The following NCOR2 variants were observed in gnomAD, a reference collection of about 807,000 sequenced individuals.
NCOR2 encodes CTG repeat protein 26.
NCOR2 carries 81 observed loss-of-function variants against 262.9 expected under a neutral mutation model. That is an observed-to-expected ratio of 0.31 (90% CI 0.26 to 0.37). The LOEUF (loss-of-function observed/expected upper bound fraction) is 0.37. Ranked by LOEUF, NCOR2 falls within the 10% of genes least tolerant of loss-of-function variation. NCOR2 has a pLI of 1.00. For synonymous variants in NCOR2, 1,659 were observed against 1,559.3 expected (o/e 1.06, Z -1.51); for missense variants, 3,385 against 3,621.4 (o/e 0.93, Z 1.68).
chr12:124,387,598 G>A (rs1481953184), intron 16 of NCOR2, among the ~76,000 whole-genome samples: 4 of 152,136 alleles, frequency 2.6e-5, no homozygotes, highest in Admixed American at 6.5e-5. Flanking sequence ...TTCGCCTGCC[G>A]TGGCCCTGGG....
At chr12:124,398,223 G>A (rs2041801000) in intron 15 of NCOR2, 42 bp from the exon 18 acceptor site, 19 of 1,607,260 alleles carry the variant, frequency 1.2e-5, no homozygotes, top group Non-Finnish European at 1.6e-5. Flanking sequence ...GCCGGGAGAG[G>A]AGGCACTTTG....
At position 124,550,512 on chromosome 12, in the gene NCOR2, C is replaced by A. The variant is rs114668238; in HGVS notation, c.-164-14901G>T. 7.6e-3 allele frequency among the ~76,000 whole-genome samples: 1,154 copies of A among 152,024 alleles called. 10 individuals carry two copies. Among genetic ancestry groups the A allele is most frequent in the African/African-American group, 0.027 (1,103 of 41,432 alleles). Reference sequence around the variant, plus strand: ...CCACTGGCAGGGGGAGGATGGTGAACGGGGGGGAGGACAGCTCTGTTCCTT... The same window carrying A: ...CCACTGGCAGGGGGAGGATGGTGAAAGGGGGGGAGGACAGCTCTGTTCCTT... On this transcript the variant is annotated intron_variant, in intron 1 of 32. Coordinates refer to the NCOR2 transcript ENST00000458234.
chr12:124,358,116 TGTGA>T (rs2038145785), intron 22 of NCOR2, among the ~76,000 whole-genome samples: 1 of 134,922 alleles, frequency 7.4e-6, no homozygotes, highest in African/African-American at 2.9e-5. Flanking sequence ...CGTGCGTGCG[TGTGA>T]GTGCATGGAT....
chr12:124,370,262 A>G (rs2039390911), intron 20 of NCOR2, among the ~76,000 whole-genome samples: 2 of 152,244 alleles, frequency 1.3e-5, no homozygotes, highest in African/African-American at 4.8e-5. Context: ...TCACAGGGTC[A>G]GGGTCAGGCC....
At chr12:124,419,875 T>C in intron 13 of NCOR2, 82 bp downstream of exon 15, 2 of 1,252,254 alleles carry the variant, frequency 1.6e-6, no homozygotes, top group Non-Finnish European at 2.3e-6. Context: ...CCGCCAGCCA[T>C]GCGGGGTGCT....
chr12:124,353,360 T>C (rs1249212924), intron 27 of NCOR2, among the ~76,000 whole-genome samples: 1 of 152,238 alleles, frequency 6.6e-6, no homozygotes, highest in African/African-American at 2.4e-5. Flanking sequence ...CACAGCTGCC[T>C]TTGAAAGCTC....
Position 124,489,599 on chromosome 12 carries a change from C to A in NCOR2, c.106-3031G>T, listed in dbSNP as rs116670941. ...TGACCCAGCTGCTCAGAAAGGGAGGCAGGAAAAAGCCATTCAGGTGATGCC... is the reference window on the plus strand; with the variant it reads ...TGACCCAGCTGCTCAGAAAGGGAGGAAGGAAAAAGCCATTCAGGTGATGCC... On this transcript the variant is annotated intron_variant, in intron 1 of 46. Transcript: ENST00000405201. 4.0e-3 allele frequency among the ~76,000 whole-genome samples: 616 copies of A among 152,240 alleles called. 6 individuals are homozygous for A. The highest frequency in any genetic ancestry group is 0.014 in the African/African-American group (601 of 41,544).
exon 5 of NCOR2, chr12:124,466,230 C>T (rs546360042): frequency 2.9e-5 from 47 of 1,610,040 alleles, no homozygotes; most frequent in South Asian, 1.1e-4. Flanking sequence ...CGATGGGCGG[C>T]GGTGACACGG....
At chr12:124,492,368 C>T (rs563813140) in intron 1 of NCOR2, among the ~76,000 whole-genome samples, 2 of 152,280 alleles carry the variant, frequency 1.3e-5, no homozygotes, top group South Asian at 4.1e-4. Flanking sequence ...AAGCTGAACA[C>T]GGAGAGGGTT....
At chr12:124,400,452 GC>G (rs923308469) in intron 15 of NCOR2, 48 bp downstream of exon 17, 3 of 1,589,394 alleles carry the variant, frequency 1.9e-6, no homozygotes, top group Non-Finnish European at 2.6e-6. Flanking sequence ...AGCGCAACCC[GC>G]CGTGTCTCCA....
chr12:124,401,517 A>G (rs978598474), intron 14 of NCOR2, among the ~76,000 whole-genome samples: 5 of 152,250 alleles, frequency 3.3e-5, no homozygotes, highest in East Asian at 1.9e-4. Flanking sequence ...GAGGGGCTCT[A>G]TAAGAGGCAA....
At chr12:124,352,115 A>G (rs2037532824) in intron 27 of NCOR2, among the ~76,000 whole-genome samples, 1 of 152,196 alleles carries the variant, frequency 6.6e-6, no homozygotes, top group African/African-American at 2.4e-5. Flanking sequence ...GTACACTAAC[A>G]GTGTGGCACA....
intron 13 of NCOR2, among the ~76,000 whole-genome samples, chr12:124,417,178 C>CAGAGCAGGCCGGACACTCACTCCACGG (rs2042941303): frequency 1.3e-3 from 39 of 29,880 alleles, no homozygotes; most frequent in African/African-American, 3.4e-3. Flanking sequence ...TCACTCCACG[C>CAGAGCAGGCCGGACACTCACTCCACGG]AGAGCAGGCC....
Position 124,504,791 on chromosome 12 carries a change from C to T in NCOR2, c.-117-9423G>A, listed in dbSNP as rs1214673267. Among the ~76,000 whole-genome samples, 2 of 152,198 alleles carry T rather than the reference C, an allele frequency of 1.3e-5. No individual in the cohort carries two copies. Among genetic ancestry groups the T allele is most frequent in the Non-Finnish European group, 1.5e-5 (1 of 68,042 alleles). The stretch of plus-strand genomic sequence containing the variant: ...AAAGAAGCCGCTCAGAAAGGCCACG[C>T]ACTGCATGATTCCATTAACTTCACA... On this transcript the variant is annotated intron_variant, in intron 1 of 46. Transcript: ENST00000404621. The surrounding 1 kb of genome is among the most constrained non-coding windows in gnomAD (Gnocchi z 4.5).
At chr12:124,335,536 A>G in exon 39 of NCOR2, 1 of 1,609,330 alleles carries the variant, frequency 6.2e-7, no homozygotes, top group South Asian at 1.1e-5. Flanking sequence ...GAGCTCTTCC[A>G]GGTGCTTGGG....
intron 7 of NCOR2, among the ~76,000 whole-genome samples, chr12:124,445,519 C>T (rs566473225): frequency 1.0e-3 from 152 of 152,288 alleles, no homozygotes; most frequent in African/African-American, 3.4e-3. Context: ...AGCATGCAGA[C>T]GCAGAGAAAT....
rs1426972460 is a variant in NCOR2 at position 124,389,304 on chromosome 12, C to T, written c.1877-3417G>A. Among the ~76,000 whole-genome samples the T allele has an allele frequency of 6.6e-6, 1 of 151,982 alleles. No individual in the cohort carries two copies. Among genetic ancestry groups the T allele is most frequent in the Non-Finnish European group, 1.5e-5 (1 of 68,002 alleles). On this transcript the variant is annotated intron_variant, in intron 16 of 46. Transcript: ENST00000405201. This position sits in a 1 kb window ranked among gnomAD's most constrained non-coding sequence, Gnocchi z 4.4. ...GCTCTGATCTTCTTGCTGCCTGACC[C>T]AGCGAGACGCGGCAGGACTGAATGT...
At chr12:124,530,215 T>C (rs2050707697) in intron 1 of NCOR2, 1 of 151,824 alleles carries the variant, frequency 6.6e-6, no homozygotes, top group Admixed American at 6.6e-5. Flanking sequence ...AATAAAATGA[T>C]AATTTTATTA....
chr12:124,490,886 C>T (rs1332426116), intron 1 of NCOR2, among the ~76,000 whole-genome samples: 1 of 152,248 alleles, frequency 6.6e-6, no homozygotes, highest in South Asian at 2.1e-4. Context: ...CTGACCCTGC[C>T]GGACTGGGCC....
Sources: allele counts gnomAD v4.1 joint callset (sites outside exome capture counted in the v4.1 genomes callset), GRCh38; gene constraint gnomAD v4.1.1; non-coding constraint Gnocchi (gnomAD v3.1); transcripts MANE v1.5; gene names NCBI Gene and HGNC (gene_info 2026-07-23, HGNC 2026-07-21).